The following TET3 variants were observed in gnomAD, a reference collection of about 807,000 sequenced individuals.
The protein encoded by TET3 is tet methylcytosine dioxygenase 3.
In TET3, 19 loss-of-function variants were observed where a neutral mutation model predicts 141.4. The observed-to-expected ratio is 0.13, with a 90% confidence interval of 0.09 to 0.20. The LOEUF (loss-of-function observed/expected upper bound fraction) is 0.20, where lower values mean the gene tolerates loss of function less well. TET3 is among the 10% of genes least tolerant of loss of function. The pLI is 1.00. For missense variants in TET3, 1,874 were observed against 2,356.9 expected, an observed-to-expected ratio of 0.80 and a Z score of 4.24; for synonymous variants, 1,043 against 980.9, an observed-to-expected ratio of 1.06 and a Z score of -1.18.
the TET3 span, chr2:74,134,528 A>G: frequency 5.6e-6 from 2 of 355,606 alleles, no homozygotes; most frequent in Non-Finnish European, 1.1e-5. Context: ...TTCAGAACCA[A>G]TAGTGACCCC....
the TET3 span, among the ~76,000 whole-genome samples, chr2:74,132,738 C>G: frequency 6.6e-6 from 1 of 152,106 alleles, no homozygotes; most frequent in African/African-American, 2.4e-5. Flanking sequence ...CAAGTCACCA[C>G]TGTATGGCAG....
intron 3 of TET3, among the ~76,000 whole-genome samples, chr2:74,037,266 G>C (rs1345131877): frequency 6.6e-6 from 1 of 152,234 alleles, no homozygotes; most frequent in Non-Finnish European, 1.5e-5. Context: ...CTTCCGAAGG[G>C]AGAATCCTCT....
At chr2:74,088,901 C>T (rs986249601) in intron 7 of TET3, among the ~76,000 whole-genome samples, 3 of 151,894 alleles carry the variant, frequency 2.0e-5, no homozygotes, top group Non-Finnish European at 4.4e-5. Context: ...GCCATCATGG[C>T]GAAACCCTGT....
At chr2:74,111,112 A>G (rs929584969), downstream of TET3, among the ~76,000 whole-genome samples, 1 of 152,206 alleles carries the variant, frequency 6.6e-6, no homozygotes, top group Non-Finnish European at 1.5e-5. Context: ...CCCGGACTGC[A>G]TAGCCAGGAA....
chr2:74,106,718 TTTG>T lies in TET3; in HGVS notation c.*4544_*4546del, dbSNP rs1342959135. 6.5e-6 allele frequency: 1 copy of T among 153,764 alleles called. No homozygotes were observed. Among genetic ancestry groups the T allele is most frequent in the Non-Finnish European group, 1.5e-5 (1 of 68,032 alleles). The allele number at this position is 153,764 out of a possible 1,614,324, so 9.5% of individuals were successfully genotyped here. ...TTAAAAACTCACCAGGAAGCTCCAT[TTTG>T]TGTCATCCACTGTCACAATAATTTT... On this transcript the variant is annotated 3_prime_UTR_variant, in exon 12 of 12. Coordinates refer to ENST00000409262, the MANE Select transcript of TET3 (RefSeq NM_001287491.2).
At chr2:73,998,485 G>A (rs571502896) in intron 2 of TET3, 7 of 152,462 alleles carry the variant, frequency 4.6e-5, no homozygotes, top group African/African-American at 1.7e-4. Context: ...GTGTTGCTGG[G>A]TGCCTTGGTT....
chr2:74,079,268 C>T (rs1432375833), intron 5 of TET3, among the ~76,000 whole-genome samples: 1 of 152,190 alleles, frequency 6.6e-6, no homozygotes, highest in African/African-American at 2.4e-5. Flanking sequence ...ATTACTTGAA[C>T]CCGGGAAGCG....
At chr2:74,089,768 G>T in intron 7 of TET3, 129 bp from the exon 8 acceptor site, 1 of 1,251,570 alleles carries the variant, frequency 8.0e-7, no homozygotes, top group Admixed American at 2.2e-5. Context: ...GGGTGGGGAA[G>T]GATGAGTCTC....
At chr2:73,994,074 A>C (rs1243800890) in intron 2 of TET3, among the ~76,000 whole-genome samples, 1 of 152,182 alleles carries the variant, frequency 6.6e-6, no homozygotes, top group African/African-American at 2.4e-5. Context: ...AGTCAGGTAC[A>C]GTGAGTCCCA....
At chr2:74,044,519 T>C (rs1687511807) in intron 3 of TET3, among the ~76,000 whole-genome samples, 1 of 152,194 alleles carries the variant, frequency 6.6e-6, no homozygotes, top group Non-Finnish European at 1.5e-5. Context: ...AATAGGCATT[T>C]TATAGACATG....
rs1690207110 is a variant in TET3 at position 74,087,120 on chromosome 2, T to C, written c.2680-710T>C. ...ATTTCACATAGCATGTTTTTGGGGT[T>C]CATCCATGTTGTAACATGGATCAGA... On this transcript the variant is annotated intron_variant, in intron 6 of 11. Transcript: ENST00000409262. This position sits in a 1 kb window ranked among gnomAD's most constrained non-coding sequence, Gnocchi z 4.3. Among the ~76,000 whole-genome samples, 1 of 152,224 alleles carries C rather than the reference T, an allele frequency of 6.6e-6. No homozygotes were observed. The highest frequency in any genetic ancestry group is 2.1e-4 in the South Asian group (1 of 4,832).
intron 4 of TET3, among the ~76,000 whole-genome samples, chr2:74,061,274 G>C (rs1315087571): frequency 1.1e-4 from 15 of 142,750 alleles, no homozygotes; most frequent in Admixed American, 1.0e-3. Flanking sequence ...CGGATGGGGC[G>C]GCTGGCCAGG....
chr2:74,069,097 T>G (rs1689060120), intron 4 of TET3, among the ~76,000 whole-genome samples: 2 of 152,132 alleles, frequency 1.3e-5, no homozygotes, highest in African/African-American at 4.8e-5. Flanking sequence ...TCTTCCTGAT[T>G]ATTTTTTAAA....
downstream of TET3, among the ~76,000 whole-genome samples, chr2:74,112,597 T>A (rs1484872090): frequency 2.6e-5 from 4 of 152,196 alleles, no homozygotes; most frequent in African/African-American, 9.7e-5. Flanking sequence ...TAAAATTTTT[T>A]AAAATTATTT....
At chr2:73,988,548 G>A (rs1016814633) in intron 2 of TET3, among the ~76,000 whole-genome samples, 7 of 152,208 alleles carry the variant, frequency 4.6e-5, no homozygotes, top group African/African-American at 1.7e-4. Context: ...AGGCTGCCGG[G>A]TGGTCTTGGT....
At chr2:74,118,578 TTAGTA>T in the TET3 span, among the ~76,000 whole-genome samples, 3 of 152,192 alleles carry the variant, frequency 2.0e-5, no homozygotes, top group Non-Finnish European at 4.4e-5. Context: ...CAGTAGCCTA[TTAGTA>T]AAGTTTTTGG....
At chr2:74,112,548 G>C (rs957675037), downstream of TET3, among the ~76,000 whole-genome samples, 11 of 151,988 alleles carry the variant, frequency 7.2e-5, no homozygotes, top group Non-Finnish European at 1.5e-4. Flanking sequence ...CAAATAAAAA[G>C]TTTTACTACA....
chr2:74,053,701 A>G (rs944407940), intron 4 of TET3, among the ~76,000 whole-genome samples: 2 of 152,144 alleles, frequency 1.3e-5, no homozygotes, highest in Non-Finnish European at 2.9e-5. Flanking sequence ...TGTCCAGCGA[A>G]TGTGGCTGAT....
chr2:73,988,990 G>GTTTTGT (rs1684188471), intron 2 of TET3, among the ~76,000 whole-genome samples: 1 of 106,304 alleles, frequency 9.4e-6, no homozygotes, highest in African/African-American at 3.7e-5. Flanking sequence ...AAAAAAAAAA[G>GTTTTGT]TTTTTTTTGT....
Sources: gnomAD v4.1 joint callset for allele counts (sites outside exome capture counted in the v4.1 genomes callset) on GRCh38, gnomAD v4.1.1 for gene constraint, Gnocchi (gnomAD v3.1) non-coding constraint, MANE v1.5 for transcripts, NCBI Gene and HGNC (gene_info 2026-07-23, HGNC 2026-07-21) for gene names.